The following ITGAM variants were observed in gnomAD, a reference collection of about 807,000 sequenced individuals.
The protein encoded by ITGAM is integrin alpha-M.
ITGAM carries 79 observed loss-of-function variants against 137.5 expected under a neutral mutation model. The ratio of observed to expected loss-of-function variants is 0.57; its 90% confidence interval spans 0.48 to 0.69. The LOEUF (loss-of-function observed/expected upper bound fraction) is 0.69, where lower values mean the gene tolerates loss of function less well. ITGAM is among the 30% of genes least tolerant of loss of function. ITGAM has a pLI of 0.00. For synonymous variants in ITGAM, 583 were observed against 592.3 expected, an observed-to-expected ratio of 0.98 and a Z score of 0.23; for missense variants, 1,343 against 1,483.5, an observed-to-expected ratio of 0.91 and a Z score of 1.56.
rs147567939 is a variant in ITGAM at position 31,269,349 on chromosome 16, T to C, written c.428-1605T>C. On this transcript the variant is annotated intron_variant, in intron 5 of 29. Coordinates refer to ENST00000544665, the MANE Select transcript of ITGAM (RefSeq NM_000632.4). ...AAATCATAATTTCTCATCTTGTGGCTAACGTTAGTCCTACAAAGGCAATCT... is the reference window on the plus strand; with the variant it reads ...AAATCATAATTTCTCATCTTGTGGCCAACGTTAGTCCTACAAAGGCAATCT... 2.7e-3 allele frequency among the ~76,000 whole-genome samples: 409 copies of C among 152,292 alleles called. 2 individuals carry two copies. The highest frequency in any genetic ancestry group is 9.1e-3 in the African/African-American group (380 of 41,568).
intron 14 of ITGAM, among the ~76,000 whole-genome samples, chr16:31,302,980 CT>C (rs1170962911): frequency 1.2e-5 from 1 of 82,130 alleles, no homozygotes; most frequent in Non-Finnish European, 2.5e-5. Context: ...TTCTTTCTTT[CT>C]TTCTTTCTTT....
intron 12 of ITGAM, among the ~76,000 whole-genome samples, chr16:31,287,661 T>C (rs1009928560): frequency 5.9e-5 from 9 of 152,212 alleles, no homozygotes; most frequent in Admixed American, 5.9e-4. Context: ...TTGTCGGTGG[T>C]TCTCTTTGAC....
chr16:31,326,786 C>T, intron 21 of ITGAM, 70 bp from the exon 22 acceptor site: 2 of 1,025,472 alleles, frequency 2.0e-6, no homozygotes, highest in Non-Finnish European at 3.1e-6. Context: ...CTCCATTAAT[C>T]AGATGACGGG....
intron 14 of ITGAM, among the ~76,000 whole-genome samples, chr16:31,315,622 T>C (rs1463140092): frequency 6.6e-6 from 1 of 151,872 alleles, no homozygotes; most frequent in African/African-American, 2.4e-5. Flanking sequence ...CATGCCTGGC[T>C]ACTTTTTTGT....
In ITGAM at chr16:31,273,411, A is replaced by G; in HGVS notation, c.751A>G (p.Lys251Glu). ...ITNGARKNAF[K>E]ILVVITDGEK... ...CAACGGAGCCCGAAAGAATGCCTTT[A>G]AGATCCTAGTTGTCATCACGGATGG... Residue 251 changes from lysine to glutamate, a missense_variant, in exon 8 of 30, where the codon AAG (lysine) becomes GAG (glutamate). By Grantham distance (56) the Lys-to-Glu change is moderately conservative. Coordinates refer to ENST00000544665, the MANE Select transcript of ITGAM (RefSeq NM_000632.4). 1 of 1,613,904 alleles carries G rather than the reference A, an allele frequency of 6.2e-7. No individual in the cohort carries two copies. The highest frequency in any genetic ancestry group is 1.1e-5 in the South Asian group (1 of 91,084).
intron 8 of ITGAM, 155 bp downstream of exon 8, chr16:31,273,673 C>A: frequency 1.4e-6 from 1 of 709,450 alleles, no homozygotes; most frequent in Non-Finnish European, 2.3e-6. Flanking sequence ...CACATCAATG[C>A]TGTGTAATAA....
rs1477500013 is a variant in ITGAM, at chr16:31,329,280, C to T, written c.2845C>T (p.Arg949Trp). Residue 949 changes from arginine (R) to tryptophan (W), a missense_variant, in exon 24 of 30, where the codon CGG (arginine) becomes TGG (tryptophan). Physicochemically the swap from Arg to Trp is moderately radical, Grantham distance 101. Transcript: ENST00000544665. ...CTTCACGGCCTCAGAGAATACCAGT[C>T]GGGTCATGCAGCATCAATATCAGGT... ...LNFTASENTS[R>W]VMQHQYQVSN... 2.5e-6 allele frequency: 4 copies of T among 1,612,546 alleles called. No individual in the cohort carries two copies. The highest frequency in any genetic ancestry group is 2.2e-5 in the South Asian group (2 of 90,920).
At chr16:31,306,310 C>A (rs541766112) in intron 14 of ITGAM, among the ~76,000 whole-genome samples, 1 of 151,904 alleles carries the variant, frequency 6.6e-6, no homozygotes, top group Non-Finnish European at 1.5e-5. Context: ...TGTAAAATAA[C>A]GATGATAATT....
chr16:31,297,143 AT>A (rs968102681), intron 12 of ITGAM, among the ~76,000 whole-genome samples: 1 of 152,056 alleles, frequency 6.6e-6, no homozygotes, highest in African/African-American at 2.4e-5. Context: ...CTATAGGCTT[AT>A]TTTTTATCTT....
At chr16:31,285,125 C>T (rs377439705) in intron 12 of ITGAM, among the ~76,000 whole-genome samples, 33 of 152,088 alleles carry the variant, frequency 2.2e-4, no homozygotes, top group African/African-American at 6.3e-4. Flanking sequence ...GCAGGAGGTA[C>T]GTGACTGAGG....
At chr16:31,275,312 A>G (rs1245763268) in intron 8 of ITGAM, among the ~76,000 whole-genome samples, 2 of 152,190 alleles carry the variant, frequency 1.3e-5, no homozygotes. Context: ...ATACCAGGAG[A>G]CGTGGCACAG....
At chr16:31,326,453 G>A (rs191167661) in intron 21 of ITGAM, among the ~76,000 whole-genome samples, 45 of 152,136 alleles carry the variant, frequency 3.0e-4, no homozygotes, top group Non-Finnish European at 4.9e-4. Flanking sequence ...GTTTCACTTC[G>A]TTGCCCAGGC....
At chr16:31,273,645 G>A (rs941815055) in intron 8 of ITGAM, 127 bp downstream of exon 8, 27 of 855,956 alleles carry the variant, frequency 3.2e-5, no homozygotes, top group South Asian at 2.2e-4. Flanking sequence ...CATATACACC[G>A]TATCAGCTAT....
At chr16:31,313,310 C>T (rs1003148278) in intron 14 of ITGAM, among the ~76,000 whole-genome samples, 8 of 152,148 alleles carry the variant, frequency 5.3e-5, no homozygotes, top group African/African-American at 1.7e-4. Flanking sequence ...GTTTGCTGCA[C>T]CCATCAACCC....
At chr16:31,326,229 T>A (rs969662638) in intron 21 of ITGAM, among the ~76,000 whole-genome samples, 1 of 151,970 alleles carries the variant, frequency 6.6e-6, no homozygotes, top group Non-Finnish European at 1.5e-5. Context: ...TCCTCCCATA[T>A]CCCCCAGCCC....
chr16:31,325,248 T>G lies in ITGAM; in HGVS notation c.2364-15T>G, dbSNP rs1049809538. ...CCAGCGCCCCATCCCCCGGCCTGTC[T>G]TCTTCTTCCCACAGCCTGGACTGCC... is the stretch of plus-strand genomic sequence containing the variant. On this transcript the variant is annotated splice_polypyrimidine_tract_variant and intron_variant, in intron 19 of 29. Coordinates refer to ENST00000544665, the MANE Select transcript of ITGAM (RefSeq NM_000632.4). 1.2e-6 allele frequency: 2 copies of G among 1,605,592 alleles called. No homozygotes were observed.
At chr16:31,282,662 C>T (rs991471613) in intron 12 of ITGAM, among the ~76,000 whole-genome samples, 2 of 152,178 alleles carry the variant, frequency 1.3e-5, no homozygotes, top group Admixed American at 6.5e-5. Context: ...TGGGTCTTGA[C>T]TCTTTATCCA....
chr16:31,313,882 C>T (rs2080362270), intron 14 of ITGAM, among the ~76,000 whole-genome samples: 1 of 152,144 alleles, frequency 6.6e-6, no homozygotes, highest in Non-Finnish European at 1.5e-5. Context: ...ACATCCTCTC[C>T]AGCATCTGTT....
chr16:31,260,340 A>T (rs1029905354), intron 1 of ITGAM, among the ~76,000 whole-genome samples: 3 of 152,142 alleles, frequency 2.0e-5, no homozygotes, highest in Non-Finnish European at 4.4e-5. Flanking sequence ...TGCTTCACAC[A>T]TGAGGAGACG....
Sources: gnomAD v4.1 joint callset for allele counts (sites outside exome capture counted in the v4.1 genomes callset) on GRCh38, gnomAD v4.1.1 for gene constraint, MANE v1.5 for transcripts, NCBI Gene and HGNC (gene_info 2026-07-23, HGNC 2026-07-21) for gene names.